BTBD9: variants seen among roughly 807,000 people sequenced by gnomAD.
BTBD9 encodes BTB domain containing 9, also known as BTB/POZ domain-containing protein 9.
BTBD9 carries 49 observed loss-of-function variants against 64.3 expected under a neutral mutation model. The observed-to-expected ratio is 0.76, with a 90% CI of 0.61 to 0.97. The LOEUF is 0.97. Ranked by LOEUF, BTBD9 falls within the 50% of genes least tolerant of loss-of-function variation. BTBD9 has a pLI of 0.00. For missense variants in BTBD9, 598 were observed against 762.1 expected (o/e 0.78, Z 2.53); for synonymous variants, 260 against 274.7 (o/e 0.95, Z 0.53).
intron 7 of BTBD9, among the ~76,000 whole-genome samples, chr6:38,319,230 A>G (rs769984318): frequency 5.3e-5 from 8 of 152,168 alleles, no homozygotes; most frequent in Non-Finnish European, 1.2e-4. Context: ...GAGGACCTAA[A>G]GAGCCCACTT....
intron 8 of BTBD9, among the ~76,000 whole-genome samples, chr6:38,260,359 T>C (rs1324156969): frequency 6.6e-6 from 1 of 152,204 alleles, no homozygotes; most frequent in African/African-American, 2.4e-5. Flanking sequence ...GGATTTTTAA[T>C]TATTTATGGA....
At chr6:38,638,868 T>C (rs1425557377) in intron 1 of BTBD9, among the ~76,000 whole-genome samples, 1 of 152,178 alleles carries the variant, frequency 6.6e-6, no homozygotes, top group African/African-American at 2.4e-5. Context: ...CCACAACCCC[T>C]ATACATCTAC....
At chr6:38,185,344 T>C (rs1246412127) in intron 10 of BTBD9, among the ~76,000 whole-genome samples, 2 of 152,144 alleles carry the variant, frequency 1.3e-5, no homozygotes, top group Non-Finnish European at 2.9e-5. Context: ...CTCCCCAAGA[T>C]CTAGCACAAA....
chr6:38,194,530 G>T (rs577707361), intron 9 of BTBD9, among the ~76,000 whole-genome samples: 5 of 152,334 alleles, frequency 3.3e-5, no homozygotes, highest in African/African-American at 1.2e-4. Flanking sequence ...CAGCCTTTTA[G>T]CTCAATGCCT....
chr6:38,230,942 A>G (rs958815089), intron 9 of BTBD9, among the ~76,000 whole-genome samples: 2 of 152,190 alleles, frequency 1.3e-5, no homozygotes, highest in African/African-American at 4.8e-5. Flanking sequence ...AGTAGTTGAA[A>G]CTTCCTTATT....
chr6:38,615,593 A>C (rs956115855), intron 1 of BTBD9, among the ~76,000 whole-genome samples: 1 of 152,172 alleles, frequency 6.6e-6, no homozygotes, highest in Non-Finnish European at 1.5e-5. Context: ...AAAGCTTCAT[A>C]CTACTGGCCA....
chr6:38,536,320 C>G (rs1774020339), intron 6 of BTBD9, among the ~76,000 whole-genome samples: 1 of 152,014 alleles, frequency 6.6e-6, no homozygotes, highest in Non-Finnish European at 1.5e-5. Context: ...AAAAGACAGG[C>G]AATAATAAAT....
intron 6 of BTBD9, among the ~76,000 whole-genome samples, chr6:38,435,117 C>G (rs181668926): frequency 7.2e-6 from 1 of 139,838 alleles, no homozygotes; most frequent in Admixed American, 8.0e-5. Context: ...TAGCTTGAAC[C>G]TGGAAGGCAG....
chr6:38,253,250 C>T (rs746032584), intron 9 of BTBD9, among the ~76,000 whole-genome samples: 1 of 152,208 alleles, frequency 6.6e-6, no homozygotes, highest in African/African-American at 2.4e-5. Context: ...TTGACTCACA[C>T]TTCCATATGG....
intron 6 of BTBD9, among the ~76,000 whole-genome samples, chr6:38,518,137 A>G (rs1241191285): frequency 1.3e-5 from 2 of 152,222 alleles, no homozygotes; most frequent in African/African-American, 4.8e-5. Flanking sequence ...GGCAGCAACA[A>G]TAATTACATA....
At chr6:38,258,504 C>G (rs1350358825) in intron 8 of BTBD9, among the ~76,000 whole-genome samples, 1 of 152,338 alleles carries the variant, frequency 6.6e-6, no homozygotes, top group African/African-American at 2.4e-5. Flanking sequence ...GCAGTGTCTA[C>G]GTCTTACTGA....
Position 38,453,314 on chromosome 6 carries a change from A to G in BTBD9, c.1155-108221T>C, listed in dbSNP as rs1005557606. On this transcript the variant is annotated intron_variant, in intron 6 of 10. Coordinates refer to ENST00000481247, the MANE Select transcript of BTBD9 (RefSeq NM_001099272.2). ...TTATGGATTTCTATTCCAAGGCGTT[A>G]TTCTTTGTTTTATTTTCAAAATGTG... Among the ~76,000 whole-genome samples the G allele has an allele frequency of 2.6e-5, 4 of 152,132 alleles. No individual in the cohort carries two copies. The South Asian group carries it at 6.2e-4, about 24-fold the overall frequency.
rs200494998 is a variant in BTBD9, at chr6:38,585,054, T to TA, written c.815-4618dup. Reference sequence around the variant, plus strand: ...GAAAGGGACCGTCATCCTATTAAATTAAAAAAAAAAAATCCTAGGGTGCTT... The same window carrying TA: ...GAAAGGGACCGTCATCCTATTAAATTAAAAAAAAAAAAATCCTAGGGTGCTT... On this transcript the variant is annotated intron_variant, in intron 4 of 10. Transcript: ENST00000481247. Among the ~76,000 whole-genome samples the TA allele has an allele frequency of 4.6e-3, 676 of 146,538 alleles. 6 individuals carry two copies. The highest frequency in any genetic ancestry group is 0.023 in the East Asian group (115 of 5,084).
In BTBD9 at chr6:38,588,205, G is replaced by C. The variant is rs968664642; in HGVS notation, c.814+4371C>G. 47 of 856,070 alleles carry C rather than the reference G, an allele frequency of 5.5e-5. No homozygotes were observed. In the East Asian group the frequency reaches 1.1e-3, roughly 21 times the overall value. The allele number at this position is 856,070 out of a possible 1,614,324, so 53.0% of individuals were successfully genotyped here. On this transcript the variant is annotated intron_variant, in intron 4 of 10. Coordinates refer to ENST00000481247, the MANE Select transcript of BTBD9 (RefSeq NM_001099272.2). Reference sequence around the variant, plus strand: ...TCCAAACAACCTCAGCAGTTCCAAGGATATGGCCAGCAACCAACTACCCAG... The same window carrying C: ...TCCAAACAACCTCAGCAGTTCCAAGCATATGGCCAGCAACCAACTACCCAG...
At chr6:38,588,491 G>A (rs1776647462) in intron 4 of BTBD9, 1 of 857,110 alleles carries the variant, frequency 1.2e-6, no homozygotes, top group African/African-American at 1.7e-5. Context: ...TCCTCCCTTT[G>A]GTCAGGGCTA....
rs148314894 is a variant in BTBD9, at chr6:38,294,257, T to C, written c.1265-5796A>G. 8.3e-4 allele frequency among the ~76,000 whole-genome samples: 126 copies of C among 152,298 alleles called. 2 individuals carry two copies. The East Asian group carries it at 0.01, about 12-fold the overall frequency. ...AGTTCAACCATTGTGGAAGTCAATG[T>C]GGCGATTCCTCAAGAATCTAGAACC... is the stretch of plus-strand genomic sequence containing the variant. On this transcript the variant is annotated intron_variant, in intron 7 of 10. Coordinates refer to ENST00000481247, the MANE Select transcript of BTBD9 (RefSeq NM_001099272.2).
intron 7 of BTBD9, among the ~76,000 whole-genome samples, chr6:38,344,010 A>C (rs1188037582): frequency 1.3e-5 from 2 of 152,230 alleles, no homozygotes; most frequent in Admixed American, 6.5e-5. Flanking sequence ...CTTGGGAAAG[A>C]GAGGAGACAT....
chr6:38,545,778 CAAAA>C (rs1224870392), intron 6 of BTBD9, among the ~76,000 whole-genome samples: 2 of 68,884 alleles, frequency 2.9e-5, no homozygotes, highest in Non-Finnish European at 2.7e-5. Context: ...GACTCCGTCT[CAAAA>C]AAAAAAAAAA....
intron 6 of BTBD9, among the ~76,000 whole-genome samples, chr6:38,507,396 A>G (rs950343299): frequency 6.6e-6 from 1 of 151,538 alleles, no homozygotes; most frequent in African/African-American, 2.4e-5. Flanking sequence ...CAACCCCTCC[A>G]CTCCCAGCTA....
Sources: gnomAD v4.1 joint callset for allele counts (sites outside exome capture counted in the v4.1 genomes callset) on GRCh38, gnomAD v4.1.1 for gene constraint, MANE v1.5 for transcripts, NCBI Gene and HGNC (gene_info 2026-07-23, HGNC 2026-07-21) for gene names.